KIF13A: variants seen among roughly 807,000 people sequenced by gnomAD.
KIF13A encodes kinesin-like protein KIF13A.
A neutral mutation model predicts 212.2 loss-of-function variants in KIF13A; 79 were observed. The observed-to-expected ratio is 0.37, with a 90% confidence interval of 0.31 to 0.45. The LOEUF is 0.45. Among genes scored for constraint, KIF13A ranks in the 20% least tolerant of loss-of-function variants. KIF13A has a pLI of 1.00. For missense variants in KIF13A, 1,901 were observed against 2,209.0 expected (o/e 0.86, Z 2.79); for synonymous variants, 789 against 808.6 (o/e 0.98, Z 0.41).
intron 17 of KIF13A, among the ~76,000 whole-genome samples, chr6:17,810,385 A>G (rs901142620): frequency 1.3e-5 from 2 of 152,114 alleles, no homozygotes; most frequent in African/African-American, 4.8e-5. Flanking sequence ...CCCAAACTCC[A>G]AATCTGTACC....
intron 2 of KIF13A, among the ~76,000 whole-genome samples, chr6:17,937,757 T>TC (rs1377349683): frequency 7.1e-6 from 1 of 139,888 alleles, no homozygotes; most frequent in Non-Finnish European, 1.6e-5. Context: ...TTTTTTTTTT[T>TC]TTGTTTTTTT....
intron 17 of KIF13A, among the ~76,000 whole-genome samples, chr6:17,814,318 A>T (rs1298816907): frequency 6.9e-6 from 1 of 145,478 alleles, no homozygotes; most frequent in Non-Finnish European, 1.5e-5. Context: ...GCGTGATCTC[A>T]GATCACTGCA....
In KIF13A at chr6:17,919,968, A is replaced by G. The variant is rs1774907987; in HGVS notation, c.147-21788T>C. On this transcript the variant is annotated intron_variant, in intron 2 of 38. Transcript: ENST00000259711. This position sits in a 1 kb window ranked among gnomAD's most constrained non-coding sequence, Gnocchi z 4.1. ...AAGGGAAGACATAAGCAGCAGGTTG[A>G]GTTAGAAGAAAATTTTTTGTTGGAT... Among the ~76,000 whole-genome samples the G allele has an allele frequency of 6.6e-6, 1 of 152,244 alleles. No individual in the cohort carries two copies. The highest frequency in any genetic ancestry group is 2.1e-4 in the South Asian group (1 of 4,832).
At chr6:17,859,135 C>T (rs1207005647) in intron 4 of KIF13A, among the ~76,000 whole-genome samples, 2 of 151,882 alleles carry the variant, frequency 1.3e-5, no homozygotes, top group Non-Finnish European at 2.9e-5. Context: ...GTGTCTTTTT[C>T]CTTGGTAGGA....
chr6:17,820,076 A>G (rs1764301508), intron 16 of KIF13A, among the ~76,000 whole-genome samples: 1 of 152,116 alleles, frequency 6.6e-6, no homozygotes, highest in Non-Finnish European at 1.5e-5. Context: ...AGAAACACAC[A>G]TGATCCCAAA....
intron 2 of KIF13A, among the ~76,000 whole-genome samples, chr6:17,970,444 A>G (rs991161097): frequency 6.6e-6 from 1 of 152,106 alleles, no homozygotes; most frequent in Non-Finnish European, 1.5e-5. Flanking sequence ...CTCTACTAAA[A>G]ATACAAAAAT....
chr6:17,822,858 T>C (rs1764585273), intron 16 of KIF13A, among the ~76,000 whole-genome samples: 1 of 152,226 alleles, frequency 6.6e-6, no homozygotes, highest in African/African-American at 2.4e-5. Context: ...TTCCTCCCAA[T>C]TGGTGGGGAA....
chr6:17,845,176 C>A (rs2150391325), intron 9 of KIF13A, among the ~76,000 whole-genome samples: 1 of 152,238 alleles, frequency 6.6e-6, no homozygotes, highest in East Asian at 1.9e-4. Flanking sequence ...TCTCGTGAGA[C>A]TTATTCACGA....
At chr6:17,812,208 A>C (rs907275251) in intron 17 of KIF13A, 8 of 152,180 alleles carry the variant, frequency 5.3e-5, no homozygotes, top group African/African-American at 1.9e-4. Flanking sequence ...TTTTAGGTTC[A>C]GGGGTACATG....
rs1471318140 is a variant in KIF13A, at chr6:17,876,833, C to T, written c.160-3396G>A. Among the ~76,000 whole-genome samples, 5 of 152,240 alleles carry T rather than the reference C, an allele frequency of 3.3e-5. No homozygotes were observed. The East Asian group carries it at 9.7e-4, about 29-fold the overall frequency. On this transcript the variant is annotated intron_variant, in intron 3 of 38. Transcript: ENST00000259711. ...TGTTTTTTGTAGAGATGGGACTTCG[C>T]CATGTTGCCCAGACTGGTATCAAAC... is the stretch of plus-strand genomic sequence containing the variant.
At position 17,804,407 on chromosome 6, in the gene KIF13A, T is replaced by C. The variant is rs1365012546; in HGVS notation, c.2408A>G (p.Asp803Gly). The C allele has an allele frequency of 6.4e-7, 1 of 1,556,656 alleles. No individual in the cohort carries two copies. ...ANVFLECLFCDVKLQYAVPII... is the reference protein window; with the variant it reads ...ANVFLECLFCGVKLQYAVPII... Reference sequence around the variant, plus strand: ...AGGGACTGCATACTGAAGTTTCACATCACAGAAGAGGCATTCCAAGAATAC... The same window carrying C: ...AGGGACTGCATACTGAAGTTTCACACCACAGAAGAGGCATTCCAAGAATAC... The change falls in exon 20 of 39, where the codon GAT becomes GGT. Residue 803 changes from aspartate (D) to glycine (G), a missense_variant. Asp to Gly is a moderately conservative substitution (Grantham distance 94). Coordinates refer to ENST00000259711, the MANE Select transcript of KIF13A (RefSeq NM_022113.6).
intron 2 of KIF13A, among the ~76,000 whole-genome samples, chr6:17,976,703 C>G (rs567586075): frequency 2.6e-5 from 4 of 151,832 alleles, no homozygotes; most frequent in Admixed American, 2.6e-4. Flanking sequence ...GAGGAGGCGC[C>G]GAGAGCGAGC....
At position 17,934,194 on chromosome 6, in the gene KIF13A, C is replaced by T. The variant is rs548288065; in HGVS notation, c.147-36014G>A. ...AATTACAAAAGGCACCTCTTTCCAT[C>T]TCTCACACTACTGTCTAATGGCCAC... is the stretch of plus-strand genomic sequence containing the variant. On this transcript the variant is annotated intron_variant, in intron 2 of 38. Coordinates refer to ENST00000259711, the MANE Select transcript of KIF13A (RefSeq NM_022113.6). This position sits in a 1 kb window ranked among gnomAD's most constrained non-coding sequence, Gnocchi z 5.4. 2.6e-5 allele frequency among the ~76,000 whole-genome samples: 4 copies of T among 152,284 alleles called. No homozygotes were observed. In the East Asian group the frequency reaches 7.7e-4, roughly 29 times the overall value.
In KIF13A at chr6:17,861,896, T is replaced by G. The variant is rs567721397; in HGVS notation, c.221-5774A>C. ...AAGCTCCTGGTCTTTCATATTCAAA[T>G]CTTTTCTCTTTTCCTTCATGATTTC... On this transcript the variant is annotated intron_variant, in intron 4 of 38. Transcript: ENST00000259711. Among the ~76,000 whole-genome samples the G allele has an allele frequency of 1.4e-4, 22 of 152,356 alleles. No homozygotes were observed. In the South Asian group the frequency reaches 4.4e-3, roughly 30 times the overall value.
At chr6:17,889,872 C>T (rs1015290114) in intron 3 of KIF13A, among the ~76,000 whole-genome samples, 1 of 152,112 alleles carries the variant, frequency 6.6e-6, no homozygotes, top group East Asian at 1.9e-4. Context: ...TCTCTCTTAG[C>T]GCCAGGCATT....
intron 2 of KIF13A, among the ~76,000 whole-genome samples, chr6:17,956,056 C>G (rs143900882): frequency 1.4e-4 from 22 of 152,278 alleles, no homozygotes; most frequent in Non-Finnish European, 2.8e-4. Context: ...TGAGTGTGAA[C>G]AGCAAGCAAA....
chr6:17,919,210 G>A lies in KIF13A; in HGVS notation c.147-21030C>T, dbSNP rs9297051. ...AATAGTGAAAATTGCAAACACATACGAATGGAATGTGAACAGCATCACATA... is the reference window on the plus strand; with the variant it reads ...AATAGTGAAAATTGCAAACACATACAAATGGAATGTGAACAGCATCACATA... On this transcript the variant is annotated intron_variant, in intron 2 of 38. Transcript: ENST00000259711. The surrounding 1 kb of genome is among the most constrained non-coding windows in gnomAD (Gnocchi z 4.1). Among the ~76,000 whole-genome samples the A allele has an allele frequency of 0.51, 77,141 of 152,040 alleles. 20,960 individuals are homozygous for A. Among genetic ancestry groups the A allele is most frequent in the Non-Finnish European group, 0.61 (41,681 of 67,986 alleles).
intron 2 of KIF13A, among the ~76,000 whole-genome samples, chr6:17,917,028 A>C (rs1190007085): frequency 6.6e-6 from 1 of 151,796 alleles, no homozygotes; most frequent in Non-Finnish European, 1.5e-5. Context: ...CTTTACAAAA[A>C]AAAAAAAAAA....
rs1330859270 is a variant in KIF13A at position 17,987,319 on chromosome 6, C to T, written c.55+90G>A. 2 of 1,035,388 alleles carry T rather than the reference C, an allele frequency of 1.9e-6. No homozygotes were observed. The highest frequency in any genetic ancestry group is 1.7e-5 in the African/African-American group (1 of 58,050). 64.1% of individuals were successfully genotyped at this position (1,035,388 alleles called of 1,614,324 possible). A position where few individuals can be genotyped will look rare whatever the true frequency, so the allele number is the denominator to read the frequency against. ...CTCCGCCCCGGCCCCCCGGCCCCGGCCGCGCTCTCGCCGTCCCGGCCCCGC... is the reference window on the plus strand; with the variant it reads ...CTCCGCCCCGGCCCCCCGGCCCCGGTCGCGCTCTCGCCGTCCCGGCCCCGC... On this transcript the variant is annotated intron_variant, in intron 1 of 38. Coordinates refer to ENST00000259711, the MANE Select transcript of KIF13A (RefSeq NM_022113.6). The surrounding 1 kb of genome is among the most constrained non-coding windows in gnomAD (Gnocchi z 7.7).
Sources: gnomAD v4.1 joint callset for allele counts (sites outside exome capture counted in the v4.1 genomes callset) on GRCh38, gnomAD v4.1.1 for gene constraint, Gnocchi (gnomAD v3.1) non-coding constraint, MANE v1.5 for transcripts, NCBI Gene and HGNC (gene_info 2026-07-23, HGNC 2026-07-21) for gene names.